ME3: variants seen among roughly 807,000 people sequenced by gnomAD.
ME3 encodes the protein malic enzyme 3, also known as NADP-dependent malic enzyme, mitochondrial.
In ME3, 48 loss-of-function variants were observed where a neutral mutation model predicts 68.9. The observed-to-expected ratio is 0.70, with a 90% confidence interval of 0.55 to 0.89. The LOEUF (loss-of-function observed/expected upper bound fraction) is 0.89, where lower values mean the gene tolerates loss of function less well. ME3 is among the 40% of genes least tolerant of loss of function. ME3 has a pLI of 0.00. For synonymous variants in ME3, 320 were observed against 318.8 expected, an observed-to-expected ratio of 1.00 and a Z score of -0.04; for missense variants, 675 against 797.4, an observed-to-expected ratio of 0.85 and a Z score of 1.85.
At chr11:86,500,923 G>A (rs1037002119) in intron 5 of ME3, among the ~76,000 whole-genome samples, 1 of 151,448 alleles carries the variant, frequency 6.6e-6, no homozygotes, top group African/African-American at 2.4e-5. Context: ...TCACAAGCGT[G>A]TATTAAGGAC....
At chr11:86,563,432 A>G (rs1594462098) in intron 2 of ME3, among the ~76,000 whole-genome samples, 1 of 152,186 alleles carries the variant, frequency 6.6e-6, no homozygotes, top group South Asian at 2.1e-4. Flanking sequence ...AGTGATGTTG[A>G]GCATTTTTTC....
intron 2 of ME3, among the ~76,000 whole-genome samples, chr11:86,666,808 C>T (rs771355283): frequency 2.6e-5 from 4 of 152,176 alleles, no homozygotes; most frequent in Non-Finnish European, 5.9e-5. Flanking sequence ...ATCTGCCTTC[C>T]AGCATCACCA....
intron 4 of ME3, among the ~76,000 whole-genome samples, chr11:86,533,220 G>A (rs767900345): frequency 2.2e-4 from 33 of 151,874 alleles, no homozygotes; most frequent in Non-Finnish European, 4.3e-4. Flanking sequence ...CTAAGAGTTG[G>A]GTTTTTTGAA....
At chr11:86,516,306 T>C (rs892967693) in intron 4 of ME3, among the ~76,000 whole-genome samples, 3 of 152,056 alleles carry the variant, frequency 2.0e-5, no homozygotes, top group African/African-American at 2.4e-5. Flanking sequence ...ATGTCTTGCT[T>C]TACATAAAAT....
At chr11:86,669,331 G>T (rs1327201756) in intron 2 of ME3, among the ~76,000 whole-genome samples, 1 of 152,192 alleles carries the variant, frequency 6.6e-6, no homozygotes, top group Non-Finnish European at 1.5e-5. Flanking sequence ...GGAAAGGTCA[G>T]GTCCTTAGAT....
At position 86,521,431 on chromosome 11, in the gene ME3, A is replaced by AAAT. The variant is rs1555221578; in HGVS notation, c.468-12567_468-12565dup. ...AACAAAACAAAACAAAACAAAACAAAAATAATAATAATAATAATAATAAAA... is the reference window on the plus strand; with the variant it reads ...AACAAAACAAAACAAAACAAAACAAAAATAATAATAATAATAATAATAATAAAA... On this transcript the variant is annotated intron_variant, in intron 4 of 14. Transcript: ENST00000543262. Among the ~76,000 whole-genome samples the AAAT allele has an allele frequency of 5.1e-4, 75 of 145,986 alleles. No individual in the cohort carries two copies. In the Middle Eastern group the frequency reaches 0.01, roughly 20 times the overall value.
intron 7 of ME3, among the ~76,000 whole-genome samples, chr11:86,478,096 G>A (rs1423992351): frequency 2.0e-5 from 3 of 151,956 alleles, no homozygotes; most frequent in South Asian, 4.2e-4. Flanking sequence ...AGCTAGCCTG[G>A]TGTGGACTTT....
intron 4 of ME3, among the ~76,000 whole-genome samples, chr11:86,525,638 G>A (rs1406419952): frequency 6.6e-6 from 1 of 152,140 alleles, no homozygotes; most frequent in Non-Finnish European, 1.5e-5. Context: ...CAAGGTGGGT[G>A]GATCACCTGA....
chr11:86,490,311 T>A (rs1565851564), intron 6 of ME3, among the ~76,000 whole-genome samples: 1 of 152,098 alleles, frequency 6.6e-6, no homozygotes, highest in Non-Finnish European at 1.5e-5. Context: ...ACTCTCCTAA[T>A]CCCCTGGATT....
intron 2 of ME3, among the ~76,000 whole-genome samples, chr11:86,591,239 A>G (rs930624552): frequency 1.3e-5 from 2 of 152,208 alleles, no homozygotes; most frequent in African/African-American, 2.4e-5. Flanking sequence ...AGAGTTTGGA[A>G]TATAGCAATA....
chr11:86,536,123 G>T (rs1955638911), intron 4 of ME3, among the ~76,000 whole-genome samples: 1 of 152,186 alleles, frequency 6.6e-6, no homozygotes, highest in South Asian at 2.1e-4. Context: ...TCCTTGTGTG[G>T]AAGGGGGCTG....
chr11:86,521,850 A>G (rs774421084), intron 4 of ME3, among the ~76,000 whole-genome samples: 2 of 152,218 alleles, frequency 1.3e-5, no homozygotes, highest in Non-Finnish European at 2.9e-5. Context: ...GTAGTCATTA[A>G]TTAAAATCCT....
At chr11:86,532,590 G>C (rs1013358718) in intron 4 of ME3, among the ~76,000 whole-genome samples, 2 of 152,140 alleles carry the variant, frequency 1.3e-5, no homozygotes, top group Non-Finnish European at 2.9e-5. Flanking sequence ...ATTGAAATAC[G>C]TGGAAATTAA....
chr11:86,588,642 C>G (rs1183052135), intron 2 of ME3, among the ~76,000 whole-genome samples: 1 of 152,180 alleles, frequency 6.6e-6, no homozygotes, highest in African/African-American at 2.4e-5. Context: ...ACAGCAGCCT[C>G]AAGTGGAGCC....
intron 2 of ME3, among the ~76,000 whole-genome samples, chr11:86,596,785 G>A (rs1257582468): frequency 6.6e-6 from 1 of 152,210 alleles, no homozygotes; most frequent in Non-Finnish European, 1.5e-5. Flanking sequence ...TATTCTATGT[G>A]TAACTCATTA....
chr11:86,631,011 G>T (rs1223174247), intron 2 of ME3, among the ~76,000 whole-genome samples: 1 of 152,230 alleles, frequency 6.6e-6, no homozygotes, highest in African/African-American at 2.4e-5. Flanking sequence ...AATGGGGGAG[G>T]ACTAGGATGG....
chr11:86,453,827 A>G (rs1432899650), intron 8 of ME3, among the ~76,000 whole-genome samples: 1 of 152,226 alleles, frequency 6.6e-6, no homozygotes, highest in Non-Finnish European at 1.5e-5. Context: ...TGTCACTGAG[A>G]GAACTAGTCT....
intron 4 of ME3, among the ~76,000 whole-genome samples, chr11:86,554,248 AC>A (rs936951919): frequency 2.6e-4 from 39 of 152,188 alleles, no homozygotes; most frequent in African/African-American, 9.4e-4. Flanking sequence ...GAGGGCTTCC[AC>A]ACATCCTGGC....
intron 4 of ME3, among the ~76,000 whole-genome samples, chr11:86,513,450 A>G (rs1300033345): frequency 6.6e-6 from 1 of 152,224 alleles, no homozygotes; most frequent in East Asian, 1.9e-4. Context: ...TTTTATAAAT[A>G]AGGACACTAA....
Sources: gnomAD v4.1 joint callset for allele counts (sites outside exome capture counted in the v4.1 genomes callset) on GRCh38, gnomAD v4.1.1 for gene constraint, MANE v1.5 for transcripts, NCBI Gene and HGNC (gene_info 2026-07-23, HGNC 2026-07-21) for gene names.